Variants in RNGTT observed in about 807,000 individuals in gnomAD.
RNGTT encodes mRNA-capping enzyme.
Under a neutral mutation model 79.3 loss-of-function variants are expected in RNGTT, and 33 were observed. That is an observed-to-expected ratio of 0.42 (90% CI 0.32 to 0.56). The LOEUF is 0.56. RNGTT is among the 20% of genes least tolerant of loss of function. RNGTT has a pLI of 0.17. For synonymous variants in RNGTT, 222 were observed against 235.9 expected, an observed-to-expected ratio of 0.94 and a Z score of 0.54; for missense variants, 497 against 739.1, an observed-to-expected ratio of 0.67 and a Z score of 3.80.
intron 13 of RNGTT, among the ~76,000 whole-genome samples, chr6:88,759,859 T>TC (rs57020993): frequency 2.0e-5 from 3 of 151,752 alleles, no homozygotes; most frequent in Non-Finnish European, 2.9e-5. Context: ...TACTTCATTT[T>TC]CCCCCCCACC....
chr6:88,774,672 A>C (rs1778812671), intron 12 of RNGTT, among the ~76,000 whole-genome samples: 1 of 152,218 alleles, frequency 6.6e-6, no homozygotes, highest in Non-Finnish European at 1.5e-5. Flanking sequence ...TGCCAAACGG[A>C]TGAACCTCAA....
At chr6:88,737,489 A>C (rs1351465018) in intron 13 of RNGTT, among the ~76,000 whole-genome samples, 3 of 152,172 alleles carry the variant, frequency 2.0e-5, no homozygotes, top group African/African-American at 7.2e-5. Flanking sequence ...GCAGGGCTGA[A>C]TGTCTGTCCC....
chr6:88,685,615 A>G (rs1253134612), intron 13 of RNGTT, among the ~76,000 whole-genome samples: 3 of 152,106 alleles, frequency 2.0e-5, no homozygotes, highest in Middle Eastern at 3.4e-3. Context: ...AAAGAAAACC[A>G]TCAAATTGGG....
At chr6:88,671,455 G>C (rs1313815216) in intron 14 of RNGTT, among the ~76,000 whole-genome samples, 1 of 152,136 alleles carries the variant, frequency 6.6e-6, no homozygotes, top group Non-Finnish European at 1.5e-5. Flanking sequence ...AATCACACAT[G>C]ACAAAAACAA....
chr6:88,636,392 A>G (rs1773101060), intron 14 of RNGTT, among the ~76,000 whole-genome samples: 1 of 152,084 alleles, frequency 6.6e-6, no homozygotes, highest in South Asian at 2.1e-4. Context: ...TATAAAAATG[A>G]GCAGATATAT....
intron 4 of RNGTT, among the ~76,000 whole-genome samples, chr6:88,920,523 T>C (rs1011513002): frequency 6.6e-6 from 1 of 152,170 alleles, no homozygotes; most frequent in Non-Finnish European, 1.5e-5. Flanking sequence ...TATATAACAG[T>C]CACACATACA....
chr6:88,879,388 C>T (rs540422825), intron 8 of RNGTT, among the ~76,000 whole-genome samples: 6 of 152,122 alleles, frequency 3.9e-5, no homozygotes, highest in African/African-American at 1.2e-4. Context: ...AGTGAGACTC[C>T]GTCTCTACAT....
intron 11 of RNGTT, among the ~76,000 whole-genome samples, chr6:88,803,248 G>A (rs1032522979): frequency 2.8e-4 from 43 of 152,002 alleles, no homozygotes; most frequent in Admixed American, 2.5e-3. Flanking sequence ...CCAGAGGCTT[G>A]GGGGGTAGTC....
At chr6:88,632,369 A>G (rs1331480436) in intron 14 of RNGTT, among the ~76,000 whole-genome samples, 1 of 152,220 alleles carries the variant, frequency 6.6e-6, no homozygotes, top group Non-Finnish European at 1.5e-5. Flanking sequence ...CCAGACTTGC[A>G]GCATCCCAGT....
chr6:88,715,919 G>A (rs540564313), intron 13 of RNGTT, among the ~76,000 whole-genome samples: 65 of 152,234 alleles, frequency 4.3e-4, no homozygotes, highest in Middle Eastern at 3.4e-3. Context: ...AGGACTTCAT[G>A]TCTAAAACAC....
rs560026254 is a variant in RNGTT, at chr6:88,942,059, A to G, written c.65-879T>C. ...AGGCTAGTCTCAAACTCCTGGGCTCAAGCGATCCACCCACCTCAGCCTCCC... is the reference window on the plus strand; with the variant it reads ...AGGCTAGTCTCAAACTCCTGGGCTCGAGCGATCCACCCACCTCAGCCTCCC... On this transcript the variant is annotated intron_variant, in intron 1 of 15. Transcript: ENST00000369485. 6.6e-5 allele frequency among the ~76,000 whole-genome samples: 10 copies of G among 152,190 alleles called. No individual in the cohort carries two copies. The South Asian group carries it at 1.9e-3, about 28-fold the overall frequency.
intron 2 of RNGTT, among the ~76,000 whole-genome samples, chr6:88,938,674 C>T (rs1485393037): frequency 6.6e-6 from 1 of 151,818 alleles, no homozygotes; most frequent in Admixed American, 6.6e-5. Context: ...TTGAGTTTTT[C>T]CCCCTTCATT....
At chr6:88,771,313 GTGTATATATATA>G (rs1306323084) in intron 12 of RNGTT, among the ~76,000 whole-genome samples, 109 of 47,730 alleles carry the variant, frequency 2.3e-3, no homozygotes, top group African/African-American at 7.0e-3. Context: ...ATGTGTGTGT[GTGTATATATATA>G]TATATATATA....
At chr6:88,939,146 CT>C (rs1163698393) in intron 2 of RNGTT, among the ~76,000 whole-genome samples, 3 of 152,152 alleles carry the variant, frequency 2.0e-5, no homozygotes, top group Non-Finnish European at 4.4e-5. Context: ...GTCTAAACCT[CT>C]TGTTAAACTT....
At chr6:88,844,161 T>C (rs1452550558) in intron 11 of RNGTT, among the ~76,000 whole-genome samples, 196 bp downstream of exon 11, 1 of 151,964 alleles carries the variant, frequency 6.6e-6, no homozygotes. Context: ...TAGTTTCAGG[T>C]GCCACCACTG....
At chr6:88,633,538 T>C (rs2127770334) in intron 14 of RNGTT, among the ~76,000 whole-genome samples, 1 of 152,348 alleles carries the variant, frequency 6.6e-6, no homozygotes, top group East Asian at 1.9e-4. Context: ...AGATGGTATG[T>C]TGAATGCGCT....
intron 13 of RNGTT, among the ~76,000 whole-genome samples, chr6:88,689,024 G>A (rs1335781489): frequency 6.6e-6 from 1 of 152,112 alleles, no homozygotes; most frequent in East Asian, 1.9e-4. Context: ...TATTGGTAAG[G>A]CTTCCAGTCA....
intron 6 of RNGTT, among the ~76,000 whole-genome samples, chr6:88,892,386 G>C (rs1425663007): frequency 6.6e-6 from 1 of 152,126 alleles, no homozygotes; most frequent in East Asian, 1.9e-4. Context: ...GAAAGGAGCT[G>C]TGTTACTATG....
chr6:88,676,955 C>A (rs1294743101), intron 14 of RNGTT, among the ~76,000 whole-genome samples: 1 of 152,160 alleles, frequency 6.6e-6, no homozygotes, highest in Non-Finnish European at 1.5e-5. Context: ...CAAATGCTCA[C>A]AGCAGCTTTA....
Sources: gnomAD v4.1 joint callset for allele counts (sites outside exome capture counted in the v4.1 genomes callset) on GRCh38, gnomAD v4.1.1 for gene constraint, MANE v1.5 for transcripts, NCBI Gene and HGNC (gene_info 2026-07-23, HGNC 2026-07-21) for gene names.